NRXN3: variants seen among roughly 807,000 people sequenced by gnomAD.
NRXN3 encodes neurexin 3.
Under a neutral mutation model 137.6 loss-of-function variants are expected in NRXN3, and 32 were observed. The observed-to-expected ratio is 0.23, with a 90% CI of 0.18 to 0.31. NRXN3 has a LOEUF of 0.31. NRXN3 is among the 10% of genes least tolerant of loss of function. The pLI is 1.00. For synonymous variants in NRXN3, 798 were observed against 784.5 expected, an observed-to-expected ratio of 1.02 and a Z score of -0.29; for missense variants, 1,574 against 2,062.5, an observed-to-expected ratio of 0.76 and a Z score of 4.59.
intron 6 of NRXN3, among the ~76,000 whole-genome samples, chr14:78,668,125 A>C (rs1043073751): frequency 6.6e-6 from 1 of 152,166 alleles, no homozygotes; most frequent in Non-Finnish European, 1.5e-5. Context: ...CATAGATATT[A>C]ATGTAACAGT....
At chr14:78,787,126 T>C (rs2098791412) in intron 8 of NRXN3, among the ~76,000 whole-genome samples, 1 of 152,182 alleles carries the variant, frequency 6.6e-6, no homozygotes, top group South Asian at 2.1e-4. Context: ...TTAGACAACA[T>C]AATTTTGGTT....
At position 78,170,507 on chromosome 14, in the gene NRXN3, A is replaced by C. The variant is rs1353676932; in HGVS notation, c.-871A>C. The C allele has an allele frequency of 6.6e-6, 1 of 152,162 alleles. No homozygotes were observed. The highest frequency in any genetic ancestry group is 1.5e-5 in the Non-Finnish European group (1 of 68,052). 9.4% of individuals were successfully genotyped at this position (152,162 alleles called of 1,614,324 possible). ...AGGACCTGCTTTTCGCACCTCCAAC[A>C]ACCCCTCCCTTCTACCCTGCCACTC... On this transcript the variant is annotated 5_prime_UTR_variant, in exon 1 of 21. Transcript: ENST00000335750.
intron 15 of NRXN3, among the ~76,000 whole-genome samples, chr14:79,030,626 T>C (rs1219214968): frequency 1.4e-5 from 2 of 139,288 alleles, no homozygotes; most frequent in Admixed American, 1.5e-4. Flanking sequence ...TTTGTCTCTT[T>C]CTCTGTGTCT....
intron 19 of NRXN3, among the ~76,000 whole-genome samples, chr14:79,760,399 G>A (rs1304977744): frequency 6.7e-6 from 1 of 149,512 alleles, no homozygotes; most frequent in Non-Finnish European, 1.5e-5. Context: ...AAGGCCTAGA[G>A]TGTAAGTAGG....
Position 78,243,218 on chromosome 14 carries a change from G to A in NRXN3, c.125G>A (p.Arg42His), listed in dbSNP as rs543377338. ...GLPNQWARYLRWDASTRSDLS... is the reference protein window; with the variant it reads ...GLPNQWARYLHWDASTRSDLS... ...CCCAACCAGTGGGCCCGCTACCTCCGCTGGGATGCCAGCACACGCAGTGAC... is the reference window on the plus strand; with the variant it reads ...CCCAACCAGTGGGCCCGCTACCTCCACTGGGATGCCAGCACACGCAGTGAC... The change falls in exon 2 of 21, where the codon CGC becomes CAC. Residue 42 changes from arginine (R) to histidine (H), a missense_variant. Arg to His is a conservative substitution (Grantham distance 29, BLOSUM62 0). Coordinates refer to ENST00000335750, the MANE Select transcript of NRXN3 (RefSeq NM_001330195.2). The surrounding 1 kb of genome is among the most constrained non-coding windows in gnomAD (Gnocchi z 4.2). 6.8e-5 allele frequency: 105 copies of A among 1,548,670 alleles called. No individual in the cohort carries two copies. The Middle Eastern group carries it at 2.2e-3, about 32-fold the overall frequency.
chr14:78,510,040 TTATATA>T (rs57232548), intron 4 of NRXN3, among the ~76,000 whole-genome samples: 1 of 144,424 alleles, frequency 6.9e-6, no homozygotes, highest in South Asian at 2.2e-4. Context: ...TGACAAAATT[TTATATA>T]TATATATATA....
chr14:79,056,550 A>G (rs757036907), intron 15 of NRXN3, among the ~76,000 whole-genome samples: 1 of 152,184 alleles, frequency 6.6e-6, no homozygotes, highest in African/African-American at 2.4e-5. Flanking sequence ...GGTTCAGAGG[A>G]GTTATTAATT....
At chr14:78,364,639 T>C (rs185013468) in intron 4 of NRXN3, among the ~76,000 whole-genome samples, 2 of 152,352 alleles carry the variant, frequency 1.3e-5, no homozygotes, top group South Asian at 2.1e-4. Context: ...TACTTTCATA[T>C]GTTCATTGGC....
chr14:79,033,980 G>A (rs1038004087), intron 15 of NRXN3, among the ~76,000 whole-genome samples: 7 of 152,112 alleles, frequency 4.6e-5, no homozygotes, highest in Non-Finnish European at 8.8e-5. Flanking sequence ...CTGAGCAGAG[G>A]AGATGGGTTG....
At chr14:79,098,314 G>A (rs893827692) in intron 15 of NRXN3, among the ~76,000 whole-genome samples, 6 of 152,048 alleles carry the variant, frequency 3.9e-5, no homozygotes, top group African/African-American at 1.5e-4. Flanking sequence ...AAAAATATAT[G>A]TTTTATTGCA....
At chr14:79,058,303 G>C (rs2099668683) in intron 15 of NRXN3, among the ~76,000 whole-genome samples, 1 of 151,898 alleles carries the variant, frequency 6.6e-6, no homozygotes, top group Non-Finnish European at 1.5e-5. Context: ...AACAGGAAGG[G>C]GAAAAAAGAG....
intron 3 of NRXN3, among the ~76,000 whole-genome samples, chr14:78,286,859 T>C (rs1336936557): frequency 2.6e-5 from 4 of 152,218 alleles, no homozygotes; most frequent in Non-Finnish European, 5.9e-5. Flanking sequence ...TGAAAGGATA[T>C]TTTGCAGATG....
chr14:79,844,125 C>A (rs537901758), intron 20 of NRXN3, among the ~76,000 whole-genome samples: 1 of 152,078 alleles, frequency 6.6e-6, no homozygotes, highest in Non-Finnish European at 1.5e-5. Context: ...GATATATATA[C>A]CACTATTAAA....
intron 10 of NRXN3, among the ~76,000 whole-genome samples, chr14:78,890,184 A>G (rs952315358): frequency 1.3e-5 from 2 of 152,000 alleles, no homozygotes; most frequent in African/African-American, 4.8e-5. Flanking sequence ...GTAATTTTTT[A>G]ATGGCAGCCA....
chr14:78,177,928 A>C (rs1275589901), intron 1 of NRXN3: 1 of 152,320 alleles, frequency 6.6e-6, no homozygotes. Context: ...AAACCCAACT[A>C]CTTTTACTAA....
chr14:79,230,748 G>A (rs1306935329), intron 15 of NRXN3, among the ~76,000 whole-genome samples: 1 of 152,090 alleles, frequency 6.6e-6, no homozygotes, highest in African/African-American at 2.4e-5. Context: ...GGTACAGGTA[G>A]GATTCTAAAG....
intron 8 of NRXN3, among the ~76,000 whole-genome samples, chr14:78,771,630 G>C (rs145109225): frequency 6.6e-6 from 1 of 152,302 alleles, no homozygotes; most frequent in African/African-American, 2.4e-5. Context: ...CCTGGCAATA[G>C]GGAGCAACCT....
At chr14:79,023,621 A>C (rs1186515138) in intron 15 of NRXN3, among the ~76,000 whole-genome samples, 1 of 152,098 alleles carries the variant, frequency 6.6e-6, no homozygotes, top group African/African-American at 2.4e-5. Context: ...TTGCTGGGAA[A>C]GCCTCAGGAA....
chr14:78,811,322 T>G (rs1475115615), intron 10 of NRXN3, among the ~76,000 whole-genome samples: 1 of 152,130 alleles, frequency 6.6e-6, no homozygotes, highest in Non-Finnish European at 1.5e-5. Flanking sequence ...TTCCATGAGG[T>G]GGGTCCACCA....
Sources: allele counts gnomAD v4.1 joint callset (sites outside exome capture counted in the v4.1 genomes callset), GRCh38; gene constraint gnomAD v4.1.1; non-coding constraint Gnocchi (gnomAD v3.1); transcripts MANE v1.5; gene names NCBI Gene and HGNC (gene_info 2026-07-23, HGNC 2026-07-21).